Variants in VPS13B observed in about 807,000 individuals in gnomAD.
The protein encoded by VPS13B is vacuolar protein sorting 13 homolog B.
In VPS13B, 285 loss-of-function variants were observed where a neutral mutation model predicts 426.4. That is an observed-to-expected ratio of 0.67 (90% confidence interval 0.61 to 0.74). The LOEUF (loss-of-function observed/expected upper bound fraction) is 0.74, where lower values mean the gene tolerates loss of function less well. Among genes scored for constraint, VPS13B ranks in the 30% least tolerant of loss-of-function variants. The pLI is 0.00. For missense variants in VPS13B, 4,537 were observed against 4,782.6 expected (o/e 0.95, Z 1.51); for synonymous variants, 1,676 against 1,676.4 (o/e 1.00, Z 0.01).
intron 35 of VPS13B, among the ~76,000 whole-genome samples, chr8:99,669,804 T>C (rs1830632796): frequency 6.6e-6 from 1 of 152,136 alleles, no homozygotes; most frequent in South Asian, 2.1e-4. Context: ...TGACTTGAAC[T>C]GGTTATAATC....
chr8:99,121,531 T>C (rs775470285), intron 8 of VPS13B, 86 bp downstream of exon 8: 1 of 1,572,134 alleles, frequency 6.4e-7, no homozygotes, highest in South Asian at 1.2e-5. Flanking sequence ...TTTATTCAAG[T>C]TTGCTTTGCA....
chr8:99,678,268 T>C (rs1294305642), intron 35 of VPS13B, among the ~76,000 whole-genome samples: 2 of 152,212 alleles, frequency 1.3e-5, no homozygotes, highest in Non-Finnish European at 2.9e-5. Context: ...TTTCAAGTCC[T>C]TCTACTTTTT....
intron 3 of VPS13B, among the ~76,000 whole-genome samples, chr8:99,054,866 G>A (rs1174397171): frequency 6.6e-6 from 1 of 152,042 alleles, no homozygotes; most frequent in Non-Finnish European, 1.5e-5. Flanking sequence ...TGTCACTCTT[G>A]TTGAAAATAA....
intron 35 of VPS13B, among the ~76,000 whole-genome samples, chr8:99,689,885 T>G (rs1213193704): frequency 1.3e-5 from 2 of 152,216 alleles, no homozygotes; most frequent in African/African-American, 2.4e-5. Context: ...CTAAATTGTT[T>G]CTACAGAATG....
chr8:99,745,136 T>C (rs1810017186), intron 39 of VPS13B, among the ~76,000 whole-genome samples: 1 of 152,106 alleles, frequency 6.6e-6, no homozygotes, highest in African/African-American at 2.4e-5. Context: ...CTTTTCTAAG[T>C]TATGTGGATT....
At chr8:99,306,348 T>C (rs1820637060) in intron 19 of VPS13B, among the ~76,000 whole-genome samples, 1 of 152,060 alleles carries the variant, frequency 6.6e-6, no homozygotes, top group Non-Finnish European at 1.5e-5. Context: ...GTAGAGGTTA[T>C]ATGTTTTCAT....
chr8:99,644,406 G>A (rs568212477), intron 34 of VPS13B, among the ~76,000 whole-genome samples: 1 of 152,244 alleles, frequency 6.6e-6, no homozygotes, highest in African/African-American at 2.4e-5. Flanking sequence ...AAAGTTATAA[G>A]AGCTCATACC....
At chr8:99,796,890 A>C (rs1812857630) in intron 43 of VPS13B, 1 of 152,094 alleles carries the variant, frequency 6.6e-6, no homozygotes. Context: ...GAGAGCAGAG[A>C]CTCCAAGGCC....
At chr8:99,348,849 G>A (rs1337875551) in intron 19 of VPS13B, among the ~76,000 whole-genome samples, 3 of 151,434 alleles carry the variant, frequency 2.0e-5, no homozygotes, top group East Asian at 1.9e-4. Context: ...TTTTTTAAAC[G>A]CACATGAAAT....
intron 21 of VPS13B, among the ~76,000 whole-genome samples, chr8:99,414,019 C>T (rs1815844274): frequency 6.6e-6 from 1 of 152,144 alleles, no homozygotes; most frequent in African/African-American, 2.4e-5. Context: ...CTAACATTGA[C>T]AATGGGGTGT....
rs534563054 is a variant in VPS13B, at chr8:99,379,376, A to G, written c.2825-4832A>G. On this transcript the variant is annotated intron_variant, in intron 19 of 61. Coordinates refer to ENST00000357162, the MANE Select transcript of VPS13B (RefSeq NM_152564.5). ...GGCGGATGGGCGGGGGGGCAACAGA[A>G]CTTATTTTTTAATGTTTCCTTTTCT... Among the ~76,000 whole-genome samples, 4 of 152,288 alleles carry G rather than the reference A, an allele frequency of 2.6e-5. No individual in the cohort carries two copies. The East Asian group carries it at 7.7e-4, about 29-fold the overall frequency.
intron 35 of VPS13B, among the ~76,000 whole-genome samples, chr8:99,688,903 G>T (rs1250846139): frequency 6.6e-6 from 1 of 152,002 alleles, no homozygotes; most frequent in African/African-American, 2.4e-5. Context: ...TTATGGGAAG[G>T]GATAGAACAG....
intron 35 of VPS13B, among the ~76,000 whole-genome samples, chr8:99,677,788 T>C (rs575295776): frequency 1.3e-5 from 2 of 152,304 alleles, no homozygotes; most frequent in South Asian, 4.1e-4. Flanking sequence ...AATTATTTCT[T>C]CTACAGAAAA....
intron 19 of VPS13B, among the ~76,000 whole-genome samples, chr8:99,312,123 A>G (rs529945967): frequency 4.6e-5 from 7 of 152,084 alleles, no homozygotes; most frequent in East Asian, 3.9e-4. Flanking sequence ...TGACTGTCCA[A>G]TTTGCCAGTG....
chr8:99,356,312 A>G (rs1412478863), intron 19 of VPS13B, among the ~76,000 whole-genome samples: 1 of 152,150 alleles, frequency 6.6e-6, no homozygotes, highest in Non-Finnish European at 1.5e-5. Context: ...ATTATTTTAC[A>G]TTCTCTCCTA....
intron 25 of VPS13B, among the ~76,000 whole-genome samples, chr8:99,497,870 A>T (rs1821015802): frequency 6.6e-6 from 1 of 152,076 alleles, no homozygotes; most frequent in Non-Finnish European, 1.5e-5. Flanking sequence ...GTCATTTCAT[A>T]TTTTTCCTTA....
intron 30 of VPS13B, among the ~76,000 whole-genome samples, chr8:99,535,589 A>C (rs1260200688): frequency 6.6e-6 from 1 of 152,132 alleles, no homozygotes; most frequent in Non-Finnish European, 1.5e-5. Context: ...TGCATAGCTA[A>C]TTTTTTTCTT....
chr8:99,056,532 T>G (rs1246161508), intron 3 of VPS13B, among the ~76,000 whole-genome samples: 1 of 152,242 alleles, frequency 6.6e-6, no homozygotes, highest in Non-Finnish European at 1.5e-5. Context: ...TTGTCAAATT[T>G]CTTTGTCTAG....
At chr8:99,368,617 C>T (rs1813011689) in intron 19 of VPS13B, among the ~76,000 whole-genome samples, 1 of 152,104 alleles carries the variant, frequency 6.6e-6, no homozygotes, top group African/African-American at 2.4e-5. Flanking sequence ...CTGACTTTTA[C>T]TATCTCAGGT....
Sources: allele counts gnomAD v4.1 joint callset (sites outside exome capture counted in the v4.1 genomes callset), GRCh38; gene constraint gnomAD v4.1.1; transcripts MANE v1.5; gene names NCBI Gene and HGNC (gene_info 2026-07-23, HGNC 2026-07-21).